GMPR: variants seen among roughly 807,000 people sequenced by gnomAD.
The protein encoded by GMPR is GMP reductase 1.
Under a neutral mutation model 38.4 loss-of-function variants are expected in GMPR, and 31 were observed. The observed-to-expected ratio is 0.81, with a 90% confidence interval of 0.61 to 1.09. The LOEUF (loss-of-function observed/expected upper bound fraction) is 1.09, where lower values mean the gene tolerates loss of function less well. GMPR is among the 50% of genes least tolerant of loss of function. GMPR has a pLI of 0.00. For missense variants in GMPR, 468 were observed against 453.7 expected (o/e 1.03, Z -0.29); for synonymous variants, 162 against 173.3 (o/e 0.93, Z 0.51).
Position 16,292,544 on chromosome 6 carries a change from G to T in GMPR, c.857+1923G>T, listed in dbSNP as rs567311254. 1.2e-4 allele frequency among the ~76,000 whole-genome samples: 18 copies of T among 152,262 alleles called. No homozygotes were observed. The South Asian group carries it at 3.3e-3, about 28-fold the overall frequency. On this transcript the variant is annotated intron_variant, in intron 8 of 8. Coordinates refer to ENST00000259727, the MANE Select transcript of GMPR (RefSeq NM_006877.4). Reference sequence around the variant, plus strand: ...TTCCCCCAAGCGGTCCCTGATAGAGGAGGAGGTTGCATGGTTGGGTAAGGA... The same window carrying T: ...TTCCCCCAAGCGGTCCCTGATAGAGTAGGAGGTTGCATGGTTGGGTAAGGA...
At chr6:16,266,752 C>T (rs746677258) in intron 4 of GMPR, among the ~76,000 whole-genome samples, 16 of 151,212 alleles carry the variant, frequency 1.1e-4, no homozygotes, top group South Asian at 2.1e-4. Context: ...GGGAGCTTGA[C>T]GGCACTCCGG....
chr6:16,290,482 A>G lies in GMPR; in HGVS notation c.718A>G (p.Met240Val), dbSNP rs2113348216. 1 of 1,614,020 alleles carries G rather than the reference A, an allele frequency of 6.2e-7. No homozygotes were observed. The highest frequency in any genetic ancestry group is 2.2e-5 in the East Asian group (1 of 44,872). Reference protein sequence around the residue: ...KAFGAGADFVMLGGMFSGHTE... With the variant: ...KAFGAGADFVVLGGMFSGHTE... Reference sequence around the variant, plus strand: ...TTTAGGAGCTGGAGCAGATTTTGTCATGCTGGGAGGAATGTTTTCGGGTCA... The same window carrying G: ...TTTAGGAGCTGGAGCAGATTTTGTCGTGCTGGGAGGAATGTTTTCGGGTCA... The change falls in exon 8 of 9, where the codon ATG becomes GTG. Residue 240 changes from methionine to valine, a missense_variant. Met to Val is a conservative substitution (Grantham distance 21). Coordinates refer to ENST00000259727, the MANE Select transcript of GMPR (RefSeq NM_006877.4).
At chr6:16,256,960 C>T (rs1343621086) in intron 4 of GMPR, among the ~76,000 whole-genome samples, 2 of 152,300 alleles carry the variant, frequency 1.3e-5, no homozygotes, top group Middle Eastern at 3.4e-3. Flanking sequence ...ACACATGGCT[C>T]TTAAATCCCT....
intron 3 of GMPR, among the ~76,000 whole-genome samples, chr6:16,252,907 A>C (rs1285628256): frequency 6.6e-6 from 1 of 152,234 alleles, no homozygotes; most frequent in African/African-American, 2.4e-5. Flanking sequence ...CAGTCTCTGC[A>C]CTGCAGCCAC....
intron 4 of GMPR, among the ~76,000 whole-genome samples, chr6:16,270,427 G>A (rs183792314): frequency 2.7e-3 from 407 of 152,250 alleles, no homozygotes; most frequent in Non-Finnish European, 4.4e-3. Flanking sequence ...TGACAGTCCT[G>A]TATCCGCTCC....
At chr6:16,261,498 A>C (rs1482118449) in intron 4 of GMPR, among the ~76,000 whole-genome samples, 1 of 151,922 alleles carries the variant, frequency 6.6e-6, no homozygotes, top group Non-Finnish European at 1.5e-5. Flanking sequence ...AGAATAATGG[A>C]CTGTGGAGAG....
Position 16,290,592 on chromosome 6 carries a change from C to T in GMPR, c.828C>T (p.Asn276=), listed in dbSNP as rs776558178. Residue 276 remains asparagine (N), a synonymous_variant, in exon 8 of 9, where the codon AAC becomes AAT. Transcript: ENST00000259727. Reference sequence around the variant, plus strand: ...GGATGAGCTCTGACACCGCCATGAACAAGCACGCAGGAGGAGTTGCTGAGT... The same window carrying T: ...GGATGAGCTCTGACACCGCCATGAATAAGCACGCAGGAGGAGTTGCTGAGT... ...FYGMSSDTAM[N]KHAGGVAEYR... is the part of the protein sequence containing the mutation. 1 of 1,614,176 alleles carries T rather than the reference C, an allele frequency of 6.2e-7. No individual in the cohort carries two copies. Among genetic ancestry groups the T allele is most frequent in the South Asian group, 1.1e-5 (1 of 91,084 alleles).
At chr6:16,242,085 T>C (rs748968) in intron 1 of GMPR, among the ~76,000 whole-genome samples, 11,322 of 152,226 alleles carry the variant, frequency 0.074, 502 homozygotes, top group Admixed American at 0.12. Flanking sequence ...AAAAAACTTA[T>C]TAATAAATTA....
At chr6:16,257,065 A>C (rs1270876387) in intron 4 of GMPR, among the ~76,000 whole-genome samples, 1 of 152,220 alleles carries the variant, frequency 6.6e-6, no homozygotes, top group Non-Finnish European at 1.5e-5. Flanking sequence ...CAGATAGAAC[A>C]AGCCATGATT....
intron 7 of GMPR, among the ~76,000 whole-genome samples, chr6:16,287,255 T>G (rs1759704131): frequency 6.6e-6 from 1 of 152,234 alleles, no homozygotes; most frequent in Non-Finnish European, 1.5e-5. Context: ...GCCAAGGGCA[T>G]TTTTATGATT....
intron 6 of GMPR, among the ~76,000 whole-genome samples, chr6:16,281,912 T>C (rs1328822501): frequency 6.6e-6 from 1 of 152,226 alleles, no homozygotes; most frequent in Non-Finnish European, 1.5e-5. Flanking sequence ...TTTGGACCTT[T>C]GCCCTCAGCT....
chr6:16,287,429 C>T (rs775698530), intron 7 of GMPR, among the ~76,000 whole-genome samples: 1 of 152,190 alleles, frequency 6.6e-6, no homozygotes, highest in Non-Finnish European at 1.5e-5. Flanking sequence ...TTGGACCACA[C>T]TCAGCTCAGT....
intron 7 of GMPR, among the ~76,000 whole-genome samples, chr6:16,288,915 G>C (rs1759758460): frequency 1.3e-5 from 2 of 152,192 alleles, no homozygotes; most frequent in Non-Finnish European, 2.9e-5. Context: ...TTTGTGTCTA[G>C]CTCAGGGATT....
At chr6:16,258,548 A>C (rs1208792557) in intron 4 of GMPR, among the ~76,000 whole-genome samples, 1 of 152,248 alleles carries the variant, frequency 6.6e-6, no homozygotes, top group Non-Finnish European at 1.5e-5. Flanking sequence ...GAAGCCACCA[A>C]CAGCGAGGCC....
intron 4 of GMPR, among the ~76,000 whole-genome samples, chr6:16,266,652 AAAG>A (rs1457150560): frequency 2.0e-5 from 3 of 151,654 alleles, no homozygotes; most frequent in Admixed American, 6.6e-5. Context: ...AGTACAAAAA[AAAG>A]AAAAAATTAG....
At chr6:16,259,565 C>A (rs373859410) in intron 4 of GMPR, among the ~76,000 whole-genome samples, 2 of 151,712 alleles carry the variant, frequency 1.3e-5, no homozygotes, top group Non-Finnish European at 2.9e-5. Context: ...TTAGGGGCGG[C>A]GTGGTAACCT....
At chr6:16,249,013 A>G (rs1275276404) in intron 2 of GMPR, among the ~76,000 whole-genome samples, 3 of 152,208 alleles carry the variant, frequency 2.0e-5, no homozygotes, top group Admixed American at 6.5e-5. Context: ...ATAGAAGTTT[A>G]GAATGAGAAG....
intron 4 of GMPR, among the ~76,000 whole-genome samples, chr6:16,255,475 G>A (rs561637776): frequency 7.2e-5 from 11 of 152,182 alleles, no homozygotes; most frequent in Non-Finnish European, 1.3e-4. Flanking sequence ...TCTACGTTAT[G>A]AACATTTCAC....
intron 5 of GMPR, among the ~76,000 whole-genome samples, chr6:16,275,469 C>T (rs6922229): frequency 0.2 from 30,715 of 152,006 alleles, 3,758 homozygotes; most frequent in East Asian, 0.59. Context: ...CCTGTAGATT[C>T]GTAAAAATAC....
Sources: gnomAD v4.1 joint callset for allele counts (sites outside exome capture counted in the v4.1 genomes callset) on GRCh38, gnomAD v4.1.1 for gene constraint, MANE v1.5 for transcripts, NCBI Gene and HGNC (gene_info 2026-07-23, HGNC 2026-07-21) for gene names.